SCN7A: variants seen among roughly 807,000 people sequenced by gnomAD.
SCN7A encodes sodium channel protein type 7 subunit alpha.
SCN7A carries 138 observed loss-of-function variants against 155.2 expected under a neutral mutation model. The observed-to-expected ratio is 0.89, with a 90% confidence interval of 0.77 to 1.02. The LOEUF is 1.02. Among genes scored for constraint, SCN7A ranks in the 50% least tolerant of loss-of-function variants. The probability of loss-of-function intolerance (pLI) is 0.00; values close to 1 mark genes in which losing one functional copy is unlikely to be tolerated. For synonymous variants in SCN7A, 693 were observed against 649.0 expected, an observed-to-expected ratio of 1.07 and a Z score of -1.03; for missense variants, 2,058 against 1,986.6, an observed-to-expected ratio of 1.04 and a Z score of -0.68.
At chr2:166,483,864 A>AATCTGTTC (rs983531162) in intron 2 of SCN7A, among the ~76,000 whole-genome samples, 4 of 151,938 alleles carry the variant, frequency 2.6e-5, no homozygotes, top group African/African-American at 9.7e-5. Flanking sequence ...TAGGTACTCA[A>AATCTGTTC]ATCTGTTCAC....
At chr2:166,436,091 C>T (rs1051779545) in intron 15 of SCN7A, among the ~76,000 whole-genome samples, 1 of 152,100 alleles carries the variant, frequency 6.6e-6, no homozygotes, top group Non-Finnish European at 1.5e-5. Context: ...TATGTTCATT[C>T]CTCCATTAAG....
intron 15 of SCN7A, chr2:166,440,533 G>C (rs748116821): frequency 6.6e-6 from 1 of 151,984 alleles, no homozygotes; most frequent in African/African-American, 2.4e-5. Context: ...TCATATATGC[G>C]ATTTTACATT....
At chr2:166,475,028 GTA>G (rs201708057) in intron 3 of SCN7A, among the ~76,000 whole-genome samples, 16,742 of 141,966 alleles carry the variant, frequency 0.12, 1,180 homozygotes, top group East Asian at 0.33. Flanking sequence ...GTGTGTGTGT[GTA>G]TATATATATA....
At chr2:166,475,103 T>TATATATATACGTATATAC (rs1702757929) in intron 3 of SCN7A, among the ~76,000 whole-genome samples, 1 of 100,772 alleles carries the variant, frequency 9.9e-6, no homozygotes, top group African/African-American at 4.0e-5. Context: ...CACATATATA[T>TATATATATACGTATATAC]GTATATATAT....
intron 23 of SCN7A, 78 bp downstream of exon 23, chr2:166,412,452 T>C: frequency 1.6e-6 from 2 of 1,270,204 alleles, no homozygotes; most frequent in Non-Finnish European, 2.0e-6. Flanking sequence ...GCCAATTATT[T>C]GAAGCAGGGC....
chr2:166,427,684 TAA>T (rs1701652708), intron 18 of SCN7A, 102 bp downstream of exon 18: 2 of 1,038,962 alleles, frequency 1.9e-6, no homozygotes, highest in Non-Finnish European at 2.7e-6. Flanking sequence ...GGTGCTATAC[TAA>T]ATATCCTTGG....
chr2:166,478,954 G>A (rs933892076), intron 2 of SCN7A, among the ~76,000 whole-genome samples: 1 of 151,806 alleles, frequency 6.6e-6, no homozygotes, highest in Admixed American at 6.6e-5. Flanking sequence ...TCCAATTCCT[G>A]TCAAAATTTA....
At chr2:166,418,627 A>G (rs1240853779) in intron 20 of SCN7A, among the ~76,000 whole-genome samples, 1 of 151,942 alleles carries the variant, frequency 6.6e-6, no homozygotes. Flanking sequence ...GCTTTTAACT[A>G]TGATTTCAGT....
intron 11 of SCN7A, among the ~76,000 whole-genome samples, chr2:166,453,308 TTATTA>T (rs1702212099): frequency 1.3e-5 from 2 of 152,160 alleles, no homozygotes; most frequent in African/African-American, 4.8e-5. Flanking sequence ...GATATTAATG[TTATTA>T]TATTGTTATG....
At chr2:166,461,983 G>T (rs944912136) in intron 10 of SCN7A, 98 of 157,068 alleles carry the variant, frequency 6.2e-4, no homozygotes, top group African/African-American at 2.1e-3. Context: ...TAGCTACTCG[G>T]GAGGCTGAGG....
intron 6 of SCN7A, among the ~76,000 whole-genome samples, chr2:166,471,736 G>T (rs1702662158): frequency 7.6e-6 from 1 of 132,116 alleles, no homozygotes; most frequent in Non-Finnish European, 1.6e-5. Context: ...GGGGGGGGGG[G>T]TGGTGTTTAA....
chr2:166,427,411 C>T (rs1389119752), intron 18 of SCN7A, among the ~76,000 whole-genome samples: 1 of 151,894 alleles, frequency 6.6e-6, no homozygotes, highest in African/African-American at 2.4e-5. Flanking sequence ...TGATAGGTAC[C>T]AAAGTACAAG....
At chr2:166,479,363 G>T (rs544020323) in intron 2 of SCN7A, among the ~76,000 whole-genome samples, 2 of 152,090 alleles carry the variant, frequency 1.3e-5, no homozygotes, top group Admixed American at 1.3e-4. Context: ...TGACGGGCAG[G>T]ATATATTTTA....
rs1189440905 is a variant in SCN7A at position 166,404,696 on chromosome 2, A to T, written c.*884T>A. On this transcript the variant is annotated 3_prime_UTR_variant, in exon 26 of 26. Transcript: ENST00000643258. Reference sequence around the variant, plus strand: ...TCAGATCTTATATATTCAATGTTACATTAGAAATAACTGGTAAAAATACAT... The same window carrying T: ...TCAGATCTTATATATTCAATGTTACTTTAGAAATAACTGGTAAAAATACAT... The T allele has an allele frequency of 2.6e-5, 4 of 151,794 alleles. No individual in the cohort carries two copies. Among genetic ancestry groups the T allele is most frequent in the Admixed American group, 6.6e-5 (1 of 15,184 alleles). 9.4% of individuals were successfully genotyped at this position (151,794 alleles called of 1,614,324 possible). A position where few individuals can be genotyped will look rare whatever the true frequency, so the allele number is the denominator to read the frequency against.
chr2:166,424,638 T>C (rs943118945), intron 18 of SCN7A, among the ~76,000 whole-genome samples: 2 of 151,330 alleles, frequency 1.3e-5, no homozygotes, highest in Admixed American at 1.3e-4. Flanking sequence ...AAATAATGGG[T>C]CATCAAAATA....
At position 166,473,931 on chromosome 2, in the gene SCN7A, A is replaced by G. The variant is rs550592800; in HGVS notation, c.354-43T>C. 1.6e-5 allele frequency: 17 copies of G among 1,057,368 alleles called. No individual in the cohort carries two copies. The Admixed American group carries it at 2.5e-4, about 16-fold the overall frequency. The allele number at this position is 1,057,368 out of a possible 1,614,324, so 65.5% of individuals were successfully genotyped here. Reference sequence around the variant, plus strand: ...AATAATAGTTAATAAATAATATTGGAAAAGATATATTTCTATGATATATAT... The same window carrying G: ...AATAATAGTTAATAAATAATATTGGGAAAGATATATTTCTATGATATATAT... On this transcript the variant is annotated intron_variant, in intron 4 of 25. Transcript: ENST00000643258.
At chr2:166,412,973 G>T in intron 22 of SCN7A, 95 bp downstream of exon 22, 1 of 946,436 alleles carries the variant, frequency 1.1e-6, no homozygotes, top group African/African-American at 1.7e-5. Context: ...AACTGCATTT[G>T]ATTTCTATTC....
intron 11 of SCN7A, among the ~76,000 whole-genome samples, chr2:166,452,196 G>T (rs892933908): frequency 1.3e-5 from 2 of 151,748 alleles, no homozygotes; most frequent in Admixed American, 6.6e-5. Flanking sequence ...ATTTTTTAAA[G>T]ATTCTGGGTT....
chr2:166,418,061 A>G (rs1701417380), intron 20 of SCN7A, among the ~76,000 whole-genome samples: 1 of 151,520 alleles, frequency 6.6e-6, no homozygotes, highest in Non-Finnish European at 1.5e-5. Context: ...ATCTAATATA[A>G]TAATATAATA....
Sources: allele counts gnomAD v4.1 joint callset (sites outside exome capture counted in the v4.1 genomes callset), GRCh38; gene constraint gnomAD v4.1.1; transcripts MANE v1.5; gene names NCBI Gene and HGNC (gene_info 2026-07-23, HGNC 2026-07-21).